The following HOXB3 variants were observed in gnomAD, a reference collection of about 807,000 sequenced individuals.
HOXB3 encodes homeobox B3.
HOXB3 carries 17 observed loss-of-function variants against 29.2 expected under a neutral mutation model. The observed-to-expected ratio is 0.58, with a 90% confidence interval of 0.40 to 0.87. The LOEUF (loss-of-function observed/expected upper bound fraction) is 0.87. Among genes scored for constraint, HOXB3 ranks in the 40% least tolerant of loss-of-function variants. HOXB3 has a pLI of 0.00. For missense variants in HOXB3, 637 were observed against 616.3 expected, an observed-to-expected ratio of 1.03 and a Z score of -0.35; for synonymous variants, 317 against 285.9, an observed-to-expected ratio of 1.11 and a Z score of -1.10.
At chr17:48,577,856 C>G in intron 1 of HOXB3, 1 of 1,403,508 alleles carries the variant, frequency 7.1e-7, no homozygotes, top group South Asian at 1.9e-5. Context: ...GGTGCCCACG[C>G]ACTCACCCGT....
intron 1 of HOXB3, among the ~76,000 whole-genome samples, chr17:48,585,795 A>G (rs2070035579): frequency 6.6e-6 from 1 of 152,070 alleles, no homozygotes. Context: ...ATCCTCTATC[A>G]TGCCTCCAAA....
rs756800313 is a variant in HOXB3 at position 48,549,105 on chromosome 17, T to C, written c.*1229A>G. On this transcript the variant is annotated 3_prime_UTR_variant, in exon 5 of 5. Coordinates refer to ENST00000498678, the MANE Select transcript of HOXB3 (RefSeq NM_001384749.1). ...TCTACAGCTCTTTTCTAGAGTACAA[T>C]AGTAACTAAAATAGCTGGTTTTACA... 6.6e-6 allele frequency: 1 copy of C among 152,650 alleles called. No individual in the cohort carries two copies. The highest frequency in any genetic ancestry group is 1.5e-5 in the Non-Finnish European group (1 of 68,034). 9.5% of individuals were successfully genotyped at this position (152,650 alleles called of 1,614,324 possible).
At chr17:48,558,512 A>T (rs1457833000) in intron 2 of HOXB3, among the ~76,000 whole-genome samples, 1 of 152,224 alleles carries the variant, frequency 6.6e-6, no homozygotes, top group African/African-American at 2.4e-5. Flanking sequence ...GGAGGCAATT[A>T]GATCCCAGTT....
At chr17:48,565,450 C>T (rs2069358907) in intron 2 of HOXB3, among the ~76,000 whole-genome samples, 2 of 152,218 alleles carry the variant, frequency 1.3e-5, no homozygotes, top group South Asian at 4.1e-4. Flanking sequence ...TGCCTGCTCC[C>T]CAAAGGGTTT....
chr17:48,577,155 GA>G (rs2069792952), intron 1 of HOXB3: 30 of 871,562 alleles, frequency 3.4e-5, no homozygotes, highest in Non-Finnish European at 5.0e-5. Context: ...GGAGAGCGGG[GA>G]AAAACGAAAA....
chr17:48,568,259 G>A (rs1294924955), intron 2 of HOXB3, among the ~76,000 whole-genome samples: 2 of 152,208 alleles, frequency 1.3e-5, no homozygotes, highest in African/African-American at 4.8e-5. Flanking sequence ...GCTGCTGCAG[G>A]AATGTTGGCT....
At chr17:48,578,656 C>T in intron 1 of HOXB3, 2 of 306,516 alleles carry the variant, frequency 6.5e-6, no homozygotes, top group Non-Finnish European at 1.2e-5. Flanking sequence ...AGAGCGCGCG[C>T]AGGTTGCGAC....
At chr17:48,575,076 T>C (rs945586308) in intron 1 of HOXB3, 8 of 152,258 alleles carry the variant, frequency 5.3e-5, no homozygotes, top group Non-Finnish European at 4.4e-5. Flanking sequence ...GCCAGCCTCA[T>C]GGAATCCTCT....
At chr17:48,578,410 C>T in intron 1 of HOXB3, 1 of 1,478,424 alleles carries the variant, frequency 6.8e-7, no homozygotes. Context: ...TACTTACTGT[C>T]AAGTGAACAA....
intron 2 of HOXB3, 108 bp downstream of exon 2, chr17:48,573,729 A>G (rs2144866173): frequency 1.6e-6 from 1 of 641,448 alleles, no homozygotes. Flanking sequence ...CCCAGCCAAG[A>G]AAGTTAAAAA....
intron 2 of HOXB3, among the ~76,000 whole-genome samples, chr17:48,558,013 C>G (rs1374376342): frequency 6.6e-6 from 1 of 151,828 alleles, no homozygotes; most frequent in Non-Finnish European, 1.5e-5. Context: ...GAAACCAGTA[C>G]CTTTGGGGTT....
Position 48,554,599 on chromosome 17 carries a change from C to T in HOXB3, c.-159+932G>A. The T allele has an allele frequency of 1.4e-6, 1 of 700,446 alleles. No homozygotes were observed. Among genetic ancestry groups the T allele is most frequent in the South Asian group, 1.5e-5 (1 of 67,496 alleles). The allele number at this position is 700,446 out of a possible 1,614,324, so 43.4% of individuals were successfully genotyped here. ...GGCTGCCTCAGCCGGTCGCTGCTGCCGCGGCGACTGGCGACAAGCTACCAG... is the reference window on the plus strand; with the variant it reads ...GGCTGCCTCAGCCGGTCGCTGCTGCTGCGGCGACTGGCGACAAGCTACCAG... On this transcript the variant is annotated intron_variant, in intron 3 of 4. Transcript: ENST00000498678. This position sits in a 1 kb window ranked among gnomAD's most constrained non-coding sequence, Gnocchi z 4.1.
chr17:48,589,956 G>A (rs1443661710), intron 1 of HOXB3, among the ~76,000 whole-genome samples, 169 bp downstream of exon 1: 2 of 152,120 alleles, frequency 1.3e-5, no homozygotes, highest in African/African-American at 2.4e-5. Context: ...GAGGCCTTAA[G>A]AAACTGAGAG....
intron 1 of HOXB3, chr17:48,575,852 A>G (rs774508674): frequency 2.0e-4 from 31 of 152,608 alleles, no homozygotes; most frequent in Non-Finnish European, 4.0e-4. Flanking sequence ...CTGGCAGAGT[A>G]GTGCCCAGCT....
At chr17:48,577,985 G>A in intron 1 of HOXB3, 2 of 1,292,458 alleles carry the variant, frequency 1.5e-6, no homozygotes, top group Non-Finnish European at 9.8e-7. Flanking sequence ...GCTGCTGACC[G>A]CCTCGCAGCG....
chr17:48,568,943 G>T (rs2069484286), intron 2 of HOXB3, among the ~76,000 whole-genome samples: 1 of 152,124 alleles, frequency 6.6e-6, no homozygotes, highest in Non-Finnish European at 1.5e-5. Flanking sequence ...ATAAGACGCG[G>T]TAGGTAGTGA....
intron 2 of HOXB3, among the ~76,000 whole-genome samples, chr17:48,568,675 G>T (rs1233061730): frequency 6.6e-6 from 1 of 151,986 alleles, no homozygotes; most frequent in African/African-American, 2.4e-5. Context: ...ACAATGGCTG[G>T]CATGCCGGCT....
Position 48,550,393 on chromosome 17 carries a change from G to A in HOXB3, c.1237C>T (p.His413Tyr), listed in dbSNP as rs371280391. ...CTACCCTGAGGAGGAGGCGCGTGGTGAGAGGAGAGGTCTGTGTAGGTGGGG... is the reference window on the plus strand; with the variant it reads ...CTACCCTGAGGAGGAGGCGCGTGGTAAGAGGAGAGGTCTGTGTAGGTGGGG... ...PHPTYTDLSS[H>Y]HAPPPQGRIQ... The change falls in exon 5 of 5, where the codon CAC becomes TAC. Residue 413 changes from histidine to tyrosine, a missense_variant. His to Tyr is a moderately conservative substitution (Grantham distance 83). Coordinates refer to ENST00000498678, the MANE Select transcript of HOXB3 (RefSeq NM_001384749.1). 16 of 1,614,004 alleles carry A rather than the reference G, an allele frequency of 9.9e-6. No individual in the cohort carries two copies. Among genetic ancestry groups the A allele is most frequent in the African/African-American group, 6.7e-5 (5 of 74,940 alleles).
intron 1 of HOXB3, chr17:48,579,710 C>T: frequency 3.9e-6 from 1 of 253,602 alleles, no homozygotes; most frequent in Non-Finnish European, 8.0e-6. Flanking sequence ...CCATCTCTAA[C>T]CAGTTGAAGG....
Sources: gnomAD v4.1 joint callset for allele counts (sites outside exome capture counted in the v4.1 genomes callset) on GRCh38, gnomAD v4.1.1 for gene constraint, Gnocchi (gnomAD v3.1) non-coding constraint, MANE v1.5 for transcripts, NCBI Gene and HGNC (gene_info 2026-07-23, HGNC 2026-07-21) for gene names.